The following GRID2 variants were observed in gnomAD, a reference collection of about 807,000 sequenced individuals.
The protein encoded by GRID2 is glutamate ionotropic receptor delta type subunit 2.
In GRID2, 33 loss-of-function variants were observed where a neutral mutation model predicts 114.8. That is an observed-to-expected ratio of 0.29 (90% CI 0.22 to 0.38). The LOEUF (loss-of-function observed/expected upper bound fraction) is 0.38. Among genes scored for constraint, GRID2 ranks in the 10% least tolerant of loss-of-function variants. The pLI, the probability that GRID2 is intolerant of heterozygous loss-of-function variation, is 1.00. For missense variants in GRID2, 1,184 were observed against 1,257.7 expected (o/e 0.94, Z 0.89); for synonymous variants, 505 against 449.9 (o/e 1.12, Z -1.55).
chr4:92,492,489 A>G (rs1236700370), intron 1 of GRID2, among the ~76,000 whole-genome samples: 2 of 152,220 alleles, frequency 1.3e-5, no homozygotes, highest in Non-Finnish European at 2.9e-5. Context: ...ATTATTTTGT[A>G]GTGATCATTG....
At chr4:93,516,421 T>C (rs542295312) in intron 13 of GRID2, among the ~76,000 whole-genome samples, 18 of 152,258 alleles carry the variant, frequency 1.2e-4, no homozygotes, top group African/African-American at 4.3e-4. Context: ...AGTCAACATA[T>C]TGATATCATT....
At chr4:92,764,618 C>CT (rs1738174267) in intron 2 of GRID2, among the ~76,000 whole-genome samples, 1 of 152,138 alleles carries the variant, frequency 6.6e-6, no homozygotes. Flanking sequence ...ATCTATACCC[C>CT]TTTTTTATAG....
At chr4:93,287,923 A>G (rs548786906) in intron 8 of GRID2, among the ~76,000 whole-genome samples, 2 of 152,326 alleles carry the variant, frequency 1.3e-5, no homozygotes, top group South Asian at 4.1e-4. Context: ...AAACAGTTGA[A>G]AGGATGAAGG....
At chr4:92,410,516 A>G (rs566366480) in intron 1 of GRID2, among the ~76,000 whole-genome samples, 2 of 152,320 alleles carry the variant, frequency 1.3e-5, no homozygotes, top group African/African-American at 4.8e-5. Flanking sequence ...CAATTTGGAC[A>G]GGATCTCTGG....
intron 1 of GRID2, among the ~76,000 whole-genome samples, chr4:92,536,379 T>TC (rs1183650700): frequency 2.0e-5 from 3 of 152,144 alleles, no homozygotes; most frequent in Admixed American, 2.0e-4. Context: ...AGAAACGTTC[T>TC]CCAAGTCCCC....
intron 2 of GRID2, among the ~76,000 whole-genome samples, chr4:92,691,368 T>C (rs1231851045): frequency 6.6e-6 from 1 of 151,978 alleles, no homozygotes; most frequent in East Asian, 1.9e-4. Flanking sequence ...CAATGAGAAT[T>C]GAATGAAGGG....
chr4:92,444,407 C>T (rs113869083), intron 1 of GRID2, among the ~76,000 whole-genome samples: 3,597 of 151,404 alleles, frequency 0.024, 69 homozygotes, highest in Middle Eastern at 0.044. Flanking sequence ...GAGTGGGGGT[C>T]ACAAGGTGCT....
chr4:93,508,671 A>G (rs1728883733), intron 12 of GRID2, among the ~76,000 whole-genome samples: 1 of 152,344 alleles, frequency 6.6e-6, no homozygotes, highest in East Asian at 1.9e-4. Context: ...AGTAAGCCTC[A>G]TTGATTGCTG....
At chr4:93,664,857 A>C (rs191469174) in intron 14 of GRID2, among the ~76,000 whole-genome samples, 85 of 152,312 alleles carry the variant, frequency 5.6e-4, no homozygotes, top group Non-Finnish European at 7.4e-4. Context: ...GTGAGAATTC[A>C]ACAAAAGAAG....
At chr4:92,335,379 A>T (rs2110151505) in intron 1 of GRID2, among the ~76,000 whole-genome samples, 1 of 152,302 alleles carries the variant, frequency 6.6e-6, no homozygotes, top group Middle Eastern at 3.4e-3. Context: ...TCACAGATTT[A>T]TTGTCAAATA....
In GRID2 at chr4:93,525,773, T is replaced by C. The variant is rs140833352; in HGVS notation, c.2193+10362T>C. The stretch of plus-strand genomic sequence containing the variant: ...CAGAGACCCTAACATCAAGCCTATG[T>C]TGTTAGTCCTGACTTAAAACACAGC... On this transcript the variant is annotated intron_variant, in intron 13 of 15. Coordinates refer to ENST00000282020, the MANE Select transcript of GRID2 (RefSeq NM_001510.4). 3.4e-3 allele frequency among the ~76,000 whole-genome samples: 510 copies of C among 152,232 alleles called. 3 individuals carry two copies. The highest frequency in any genetic ancestry group is 0.012 in the African/African-American group (488 of 41,548).
chr4:92,444,172 A>G (rs1428656146), intron 1 of GRID2, among the ~76,000 whole-genome samples: 3 of 152,184 alleles, frequency 2.0e-5, no homozygotes, highest in African/African-American at 7.2e-5. Context: ...CTCCCAAGGG[A>G]GGTCCCCCGA....
chr4:93,490,958 G>T lies in GRID2; in HGVS notation c.1997+181G>T, dbSNP rs545276845. On this transcript the variant is annotated intron_variant, in intron 12 of 15. Coordinates refer to ENST00000282020, the MANE Select transcript of GRID2 (RefSeq NM_001510.4). Reference sequence around the variant, plus strand: ...GTCCAAGTCCTGGAAATGCAGTATTGGTAGAGCATTTTTTATAAAGTAAAA... The same window carrying T: ...GTCCAAGTCCTGGAAATGCAGTATTTGTAGAGCATTTTTTATAAAGTAAAA... Among the ~76,000 whole-genome samples the T allele has an allele frequency of 8.6e-4, 131 of 151,964 alleles. 3 individuals are homozygous for T. In the South Asian group the frequency reaches 0.027, roughly 31 times the overall value.
At chr4:93,338,083 A>G (rs1759270215) in intron 8 of GRID2, among the ~76,000 whole-genome samples, 1 of 152,170 alleles carries the variant, frequency 6.6e-6, no homozygotes, top group African/African-American at 2.4e-5. Flanking sequence ...TATTTTGTTT[A>G]TATAAGATAC....
chr4:93,764,767 A>G (rs1160762403), intron 14 of GRID2, among the ~76,000 whole-genome samples: 1 of 152,206 alleles, frequency 6.6e-6, no homozygotes, highest in Non-Finnish European at 1.5e-5. Context: ...CAGCACTTCA[A>G]TCCCATAGAT....
chr4:93,662,290 T>C (rs1029241960), intron 14 of GRID2, among the ~76,000 whole-genome samples: 2 of 152,122 alleles, frequency 1.3e-5, no homozygotes, highest in African/African-American at 2.4e-5. Context: ...CTTTCTGCTT[T>C]GTTGTTCTCT....
At position 92,602,203 on chromosome 4, in the gene GRID2, TAAA is replaced by T. The variant is rs548267650; in HGVS notation, c.244+11929_244+11931del. Among the ~76,000 whole-genome samples, 169 of 95,694 alleles carry T rather than the reference TAAA, an allele frequency of 1.8e-3. 1 individual carries two copies. Among genetic ancestry groups the T allele is most frequent in the African/African-American group, 6.3e-3 (161 of 25,538 alleles). 62.8% of individuals were successfully genotyped at this position (95,694 alleles called of 152,430 possible). On this transcript the variant is annotated intron_variant, in intron 2 of 15. Coordinates refer to ENST00000282020, the MANE Select transcript of GRID2 (RefSeq NM_001510.4). Reference sequence around the variant, plus strand: ...GTGATACCAAAACTTGCCAGAGATTTAAAAAAAAAAAAAAGAAAAGAAAAGAAA... The same window carrying T: ...GTGATACCAAAACTTGCCAGAGATTTAAAAAAAAAAAGAAAAGAAAAGAAA...
At chr4:93,415,770 T>C (rs1455179664) in intron 9 of GRID2, among the ~76,000 whole-genome samples, 1 of 152,050 alleles carries the variant, frequency 6.6e-6, no homozygotes, top group African/African-American at 2.4e-5. Flanking sequence ...AAATCAATCA[T>C]CTTGCATAAT....
intron 2 of GRID2, among the ~76,000 whole-genome samples, chr4:92,993,143 G>A (rs1755005371): frequency 6.6e-6 from 1 of 151,870 alleles, no homozygotes; most frequent in Admixed American, 6.6e-5. Context: ...ACTTGAGAGT[G>A]GCTATTTTTT....
Sources: gnomAD v4.1 joint callset for allele counts (sites outside exome capture counted in the v4.1 genomes callset) on GRCh38, gnomAD v4.1.1 for gene constraint, MANE v1.5 for transcripts, NCBI Gene and HGNC (gene_info 2026-07-23, HGNC 2026-07-21) for gene names.